Variants in KLF12 observed in about 807,000 individuals in gnomAD.
KLF12 encodes Krueppel-like factor 12.
In KLF12, 9 loss-of-function variants were observed where a neutral mutation model predicts 37.8. That is an observed-to-expected ratio of 0.24 (90% CI 0.14 to 0.42). The LOEUF (loss-of-function observed/expected upper bound fraction) is 0.42, where lower values mean the gene tolerates loss of function less well. Among genes scored for constraint, KLF12 ranks in the 10% least tolerant of loss-of-function variants. The pLI is 1.00. For missense variants in KLF12, 411 were observed against 516.0 expected, an observed-to-expected ratio of 0.80 and a Z score of 1.97; for synonymous variants, 208 against 202.1, an observed-to-expected ratio of 1.03 and a Z score of -0.25.
intron 2 of KLF12, among the ~76,000 whole-genome samples, chr13:73,973,809 G>A (rs1891418489): frequency 1.3e-5 from 2 of 152,128 alleles, no homozygotes; most frequent in African/African-American, 2.4e-5. Flanking sequence ...CATTTACACA[G>A]CTTAAAAGCA....
At chr13:73,712,769 C>T (rs879836160) in intron 7 of KLF12, among the ~76,000 whole-genome samples, 2 of 152,228 alleles carry the variant, frequency 1.3e-5, no homozygotes, top group African/African-American at 4.8e-5. Context: ...AGAGGCAAGA[C>T]CCTCCACTAG....
At chr13:73,834,501 AT>A (rs1884325632) in intron 4 of KLF12, among the ~76,000 whole-genome samples, 1 of 151,950 alleles carries the variant, frequency 6.6e-6, no homozygotes, top group Admixed American at 6.6e-5. Context: ...ATTTATTTTC[AT>A]TTTATCTTAT....
chr13:73,884,055 T>G (rs1887105620), intron 3 of KLF12, among the ~76,000 whole-genome samples: 1 of 152,204 alleles, frequency 6.6e-6, no homozygotes, highest in Non-Finnish European at 1.5e-5. Flanking sequence ...GTGAAAACTT[T>G]AACTCCCCTA....
chr13:74,072,405 A>ATATATG lies in KLF12; in HGVS notation c.-32+61333_-32+61334insCATATA, dbSNP rs1422982872. 3.7e-5 allele frequency among the ~76,000 whole-genome samples: 5 copies of ATATATG among 133,344 alleles called. No individual in the cohort carries two copies. The East Asian group carries it at 1.2e-3, about 31-fold the overall frequency. 87.5% of individuals were successfully genotyped at this position (133,344 alleles called of 152,430 possible). Reference sequence around the variant, plus strand: ...TATATATATATATATATATATATATATAAAAGATTATCTACAAGAAACTAA... The same window carrying ATATATG: ...TATATATATATATATATATATATATATATATGTAAAAGATTATCTACAAGAAACTAA... On this transcript the variant is annotated intron_variant, in intron 1 of 7. Transcript: ENST00000377669.
At chr13:73,702,729 C>A (rs921767834) in intron 7 of KLF12, among the ~76,000 whole-genome samples, 1 of 152,076 alleles carries the variant, frequency 6.6e-6, no homozygotes, top group Non-Finnish European at 1.5e-5. Flanking sequence ...CAAGGCTCAA[C>A]GTATTTGCTG....
At chr13:74,284,462 C>T in the KLF12 span, among the ~76,000 whole-genome samples, 1 of 152,176 alleles carries the variant, frequency 6.6e-6, no homozygotes, top group Non-Finnish European at 1.5e-5. Flanking sequence ...GATTTTTGTG[C>T]AACACAGGAC....
chr13:74,182,078 C>T, the KLF12 span, among the ~76,000 whole-genome samples: 2 of 152,006 alleles, frequency 1.3e-5, no homozygotes. Flanking sequence ...AGAAAACAAA[C>T]AAAAAGTGTG....
intron 1 of KLF12, among the ~76,000 whole-genome samples, chr13:74,121,566 A>C (rs1184336712): frequency 6.6e-6 from 1 of 152,100 alleles, no homozygotes; most frequent in African/African-American, 2.4e-5. Context: ...AATATAAAAA[A>C]TAAAACACGA....
intron 3 of KLF12, among the ~76,000 whole-genome samples, chr13:73,850,706 G>A (rs1211859813): frequency 6.6e-6 from 1 of 152,286 alleles, no homozygotes; most frequent in East Asian, 1.9e-4. Context: ...AGATGGGGCT[G>A]ACATACATGG....
At chr13:74,093,664 T>A (rs1875804836) in intron 1 of KLF12, among the ~76,000 whole-genome samples, 1 of 151,646 alleles carries the variant, frequency 6.6e-6, no homozygotes, top group Admixed American at 6.6e-5. Context: ...CTTTCCAAAA[T>A]ATATAATCAC....
Position 73,692,276 on chromosome 13 carries a change from A to T in KLF12, c.*3214T>A, listed in dbSNP as rs1446001040. 6.6e-6 allele frequency: 1 copy of T among 152,190 alleles called. No homozygotes were observed. Among genetic ancestry groups the T allele is most frequent in the Non-Finnish European group, 1.5e-5 (1 of 68,038 alleles). The allele number at this position is 152,190 out of a possible 1,614,324, so 9.4% of individuals were successfully genotyped here. A position where few individuals can be genotyped will look rare whatever the true frequency, so the allele number is the denominator to read the frequency against. On this transcript the variant is annotated 3_prime_UTR_variant, in exon 8 of 8. Coordinates refer to ENST00000377669, the MANE Select transcript of KLF12 (RefSeq NM_007249.5). Reference sequence around the variant, plus strand: ...CGTGAATCTTTTTTCAAACAACTTAAGATCAGACCATGAAAAGGGATTCTT... The same window carrying T: ...CGTGAATCTTTTTTCAAACAACTTATGATCAGACCATGAAAAGGGATTCTT...
At chr13:74,036,010 C>T (rs1310961294) in intron 1 of KLF12, among the ~76,000 whole-genome samples, 1 of 152,046 alleles carries the variant, frequency 6.6e-6, no homozygotes. Context: ...GATGTCTGAC[C>T]GGTCCAGTGC....
At chr13:74,084,780 C>T (rs530197742) in intron 1 of KLF12, among the ~76,000 whole-genome samples, 33 of 151,880 alleles carry the variant, frequency 2.2e-4, no homozygotes, top group Admixed American at 7.9e-4. Context: ...TTTATCTACT[C>T]CATCAAACAA....
chr13:74,030,357 A>T (rs968628101), intron 1 of KLF12, among the ~76,000 whole-genome samples: 1 of 152,130 alleles, frequency 6.6e-6, no homozygotes, highest in African/African-American at 2.4e-5. Context: ...CACTCTGCCC[A>T]ATGTTACACG....
At chr13:74,216,894 T>C in the KLF12 span, among the ~76,000 whole-genome samples, 1 of 152,246 alleles carries the variant, frequency 6.6e-6, no homozygotes, top group Non-Finnish European at 1.5e-5. Context: ...TAGTTTTCTA[T>C]GGAAATTTAT....
intron 1 of KLF12, among the ~76,000 whole-genome samples, chr13:74,007,283 ATT>A (rs796578580): frequency 6.9e-6 from 1 of 145,844 alleles, no homozygotes; most frequent in African/African-American, 2.5e-5. Context: ...GGATATTTTT[ATT>A]TTTTTTTTTT....
At chr13:73,770,833 A>T (rs561164013) in intron 5 of KLF12, among the ~76,000 whole-genome samples, 71 of 152,138 alleles carry the variant, frequency 4.7e-4, no homozygotes, top group African/African-American at 1.5e-3. Context: ...AATATGTGAA[A>T]TTTTTTTTAA....
intron 3 of KLF12, among the ~76,000 whole-genome samples, chr13:73,849,160 A>G (rs1400445547): frequency 1.3e-5 from 2 of 152,078 alleles, no homozygotes; most frequent in Non-Finnish European, 2.9e-5. Context: ...AAGAAAAACG[A>G]CCCAAAAGTC....
chr13:74,222,775 T>G, the KLF12 span, among the ~76,000 whole-genome samples: 1 of 152,328 alleles, frequency 6.6e-6, no homozygotes, highest in East Asian at 1.9e-4. Context: ...GTGGTCAAAT[T>G]TATTTATAAC....
Sources: gnomAD v4.1 joint callset for allele counts (sites outside exome capture counted in the v4.1 genomes callset) on GRCh38, gnomAD v4.1.1 for gene constraint, MANE v1.5 for transcripts, NCBI Gene and HGNC (gene_info 2026-07-23, HGNC 2026-07-21) for gene names.